The following ANO6 variants were observed in gnomAD, a reference collection of about 807,000 sequenced individuals.
The protein encoded by ANO6 is anoctamin 6, also known as anoctamin-6.
Under a neutral mutation model 117.5 loss-of-function variants are expected in ANO6, and 106 were observed. The observed-to-expected ratio is 0.90, with a 90% confidence interval of 0.77 to 1.06. ANO6 has a LOEUF of 1.06. Among genes scored for constraint, ANO6 ranks in the 50% least tolerant of loss-of-function variants. The probability of loss-of-function intolerance (pLI) is 0.00; values close to 1 mark genes in which losing one functional copy is unlikely to be tolerated. For synonymous variants in ANO6, 367 were observed against 385.1 expected, an observed-to-expected ratio of 0.95 and a Z score of 0.55; for missense variants, 955 against 1,121.1, an observed-to-expected ratio of 0.85 and a Z score of 2.12.
At chr12:45,240,890 C>T (rs1243088603) in intron 1 of ANO6, among the ~76,000 whole-genome samples, 1 of 152,204 alleles carries the variant, frequency 6.6e-6, no homozygotes, top group Non-Finnish European at 1.5e-5. Context: ...CCACTCTTTT[C>T]TGGCTGTAGG....
intron 19 of ANO6, among the ~76,000 whole-genome samples, chr12:45,439,136 G>A (rs140769189): frequency 9.2e-4 from 140 of 152,308 alleles, no homozygotes; most frequent in Non-Finnish European, 1.8e-3. Context: ...TGAGGACTAT[G>A]AGGAAGTGTC....
intron 6 of ANO6, among the ~76,000 whole-genome samples, chr12:45,348,838 C>T (rs17095784): frequency 0.026 from 3,931 of 152,172 alleles, 97 homozygotes; most frequent in East Asian, 0.097. Context: ...TTTAAAGGAG[C>T]GAATGAATGA....
At chr12:45,399,093 C>T (rs1942710643) in intron 12 of ANO6, among the ~76,000 whole-genome samples, 1 of 152,206 alleles carries the variant, frequency 6.6e-6, no homozygotes, top group Non-Finnish European at 1.5e-5. Flanking sequence ...GTCAGCTGGC[C>T]TCCTGGGCAT....
chr12:45,327,313 A>G (rs979455524), intron 2 of ANO6, among the ~76,000 whole-genome samples: 6 of 152,186 alleles, frequency 3.9e-5, no homozygotes, highest in Admixed American at 3.3e-4. Flanking sequence ...ATGAGGGTGG[A>G]GCAAAGCACT....
At chr12:45,280,142 T>C (rs1185820659) in intron 1 of ANO6, among the ~76,000 whole-genome samples, 1 of 152,248 alleles carries the variant, frequency 6.6e-6, no homozygotes, top group Non-Finnish European at 1.5e-5. Context: ...ATGGCCATCC[T>C]GGGAGCACCC....
At chr12:45,366,907 T>G (rs116335768) in intron 8 of ANO6, among the ~76,000 whole-genome samples, 3,450 of 152,288 alleles carry the variant, frequency 0.023, 138 homozygotes, top group African/African-American at 0.077. Flanking sequence ...GGGACATAAT[T>G]CCTTTTTGTA....
chr12:45,295,089 C>T (rs1017348495), intron 1 of ANO6, among the ~76,000 whole-genome samples: 1 of 152,180 alleles, frequency 6.6e-6, no homozygotes, highest in African/African-American at 2.4e-5. Context: ...AGGGCTAAAC[C>T]ATGTAGCGCT....
intron 2 of ANO6, among the ~76,000 whole-genome samples, chr12:45,319,585 T>C (rs1400892307): frequency 6.6e-6 from 1 of 152,142 alleles, no homozygotes; most frequent in Non-Finnish European, 1.5e-5. Context: ...CTTTTTTTGT[T>C]GTTGTGTCTC....
chr12:45,309,017 A>T (rs1939765969), intron 2 of ANO6, among the ~76,000 whole-genome samples: 2 of 152,118 alleles, frequency 1.3e-5, no homozygotes, highest in African/African-American at 4.8e-5. Flanking sequence ...GTCTTGTGAA[A>T]TGAGTAGGTA....
chr12:45,318,228 G>C (rs1209382480), intron 2 of ANO6, among the ~76,000 whole-genome samples: 1 of 152,094 alleles, frequency 6.6e-6, no homozygotes, highest in East Asian at 1.9e-4. Flanking sequence ...TATTGCCTAG[G>C]TTTTCTTCTA....
intron 9 of ANO6, among the ~76,000 whole-genome samples, chr12:45,372,171 A>C (rs549258821): frequency 7.5e-4 from 114 of 152,162 alleles, no homozygotes; most frequent in African/African-American, 2.7e-3. Flanking sequence ...AAAGAGAATA[A>C]AAAGAAATGA....
chr12:45,273,671 A>G (rs1938459350), intron 1 of ANO6, among the ~76,000 whole-genome samples: 1 of 152,160 alleles, frequency 6.6e-6, no homozygotes, highest in Non-Finnish European at 1.5e-5. Flanking sequence ...GCTCCAACAA[A>G]TTGGGTTCTT....
Position 45,424,332 on chromosome 12 carries a change from T to TTTTTG in ANO6, c.2526+1274_2526+1275insGTTTT, listed in dbSNP as rs1241089844. On this transcript the variant is annotated intron_variant, in intron 19 of 19. Transcript: ENST00000320560. The stretch of plus-strand genomic sequence containing the variant: ...GAGGGAAAACTAGGTGATGGGTTTT[T>TTTTTG]TTTTTTTTTTTTTTTTTTTTTTTAA... 5.7e-3 allele frequency among the ~76,000 whole-genome samples: 632 copies of TTTTTG among 111,616 alleles called. 13 individuals carry two copies. The highest frequency in any genetic ancestry group is 0.02 in the African/African-American group (599 of 29,472). The allele number at this position is 111,616 out of a possible 152,430, so 73.2% of individuals were successfully genotyped here. A position where few individuals can be genotyped will look rare whatever the true frequency, so the allele number is the denominator to read the frequency against.
intron 1 of ANO6, among the ~76,000 whole-genome samples, chr12:45,255,260 C>A (rs1015704798): frequency 6.6e-6 from 1 of 152,192 alleles, no homozygotes; most frequent in Non-Finnish European, 1.5e-5. Context: ...AGCGCATGCT[C>A]CCTCTGCCTT....
intron 8 of ANO6, among the ~76,000 whole-genome samples, chr12:45,365,380 TC>T (rs1941658275): frequency 1.3e-5 from 2 of 152,228 alleles, no homozygotes; most frequent in African/African-American, 4.8e-5. Context: ...TCCTAATTTT[TC>T]CTTTTAAGTT....
chr12:45,369,893 G>A (rs1941779378), intron 9 of ANO6, among the ~76,000 whole-genome samples: 1 of 152,208 alleles, frequency 6.6e-6, no homozygotes, highest in South Asian at 2.1e-4. Context: ...GGGAAACATG[G>A]TAAGTTCTAA....
At chr12:45,414,971 T>C (rs1232149305) in intron 16 of ANO6, among the ~76,000 whole-genome samples, 1 of 152,130 alleles carries the variant, frequency 6.6e-6, no homozygotes, top group Non-Finnish European at 1.5e-5. Context: ...TTGCCTAGGC[T>C]GGTCTCAAAC....
At chr12:45,309,177 A>C (rs750182867) in intron 2 of ANO6, among the ~76,000 whole-genome samples, 1 of 152,094 alleles carries the variant, frequency 6.6e-6, no homozygotes, top group Non-Finnish European at 1.5e-5. Flanking sequence ...GGCAGTAAGA[A>C]GTGAGGCTAC....
intron 1 of ANO6, among the ~76,000 whole-genome samples, chr12:45,230,425 G>T (rs1398513980): frequency 6.7e-6 from 1 of 149,180 alleles, no homozygotes; most frequent in Non-Finnish European, 1.5e-5. Context: ...ATATTAATAT[G>T]TATAAAATAT....
Sources: gnomAD v4.1 joint callset for allele counts (sites outside exome capture counted in the v4.1 genomes callset) on GRCh38, gnomAD v4.1.1 for gene constraint, MANE v1.5 for transcripts, NCBI Gene and HGNC (gene_info 2026-07-23, HGNC 2026-07-21) for gene names.